PRPF6: variants seen among roughly 807,000 people sequenced by gnomAD.
PRPF6 encodes the protein pre-mRNA processing factor 6.
Under a neutral mutation model 118.3 loss-of-function variants are expected in PRPF6, and 42 were observed. The ratio of observed to expected loss-of-function variants is 0.35; its 90% CI spans 0.28 to 0.46. The LOEUF is 0.46. PRPF6 is among the 20% of genes least tolerant of loss of function. The pLI is 1.00. For missense variants in PRPF6, 662 were observed against 1,255.7 expected (o/e 0.53, Z 7.15); for synonymous variants, 481 against 485.1 (o/e 0.99, Z 0.11).
chr20:63,984,407 C>T (rs374309629), intron 2 of PRPF6, among the ~76,000 whole-genome samples: 4 of 149,036 alleles, frequency 2.7e-5, no homozygotes, highest in African/African-American at 7.5e-5. Context: ...GGCGAGAGTG[C>T]GAGACTCTGT....
At chr20:64,031,850 C>G in intron 19 of PRPF6, 68 bp from the exon 20 acceptor site, 2 of 1,609,960 alleles carry the variant, frequency 1.2e-6, no homozygotes, top group Non-Finnish European at 1.7e-6. Flanking sequence ...GCCCTGAAGC[C>G]GTTCCCCTGC....
intron 11 of PRPF6, among the ~76,000 whole-genome samples, chr20:64,014,687 A>G (rs1368402494): frequency 2.0e-5 from 3 of 152,192 alleles, no homozygotes; most frequent in Non-Finnish European, 4.4e-5. Context: ...AATAAAATGA[A>G]ATAAAATGCG....
intron 3 of PRPF6, among the ~76,000 whole-genome samples, chr20:63,986,430 T>G (rs940749561): frequency 6.6e-6 from 1 of 150,902 alleles, no homozygotes; most frequent in Non-Finnish European, 1.5e-5. Context: ...GTTCAACATA[T>G]GCAAATTAAT....
At chr20:63,996,342 AAAAAAC>A (rs374480354) in intron 6 of PRPF6, among the ~76,000 whole-genome samples, 40 of 152,148 alleles carry the variant, frequency 2.6e-4, no homozygotes, top group African/African-American at 7.0e-4. Flanking sequence ...GTCTCAAAAT[AAAAAAC>A]AAAAACAAAA....
At chr20:63,993,696 G>T (rs1601513071) in intron 4 of PRPF6, among the ~76,000 whole-genome samples, 1 of 151,536 alleles carries the variant, frequency 6.6e-6, no homozygotes, top group East Asian at 1.9e-4. Flanking sequence ...TAGGACAAAT[G>T]AACTTATTTT....
intron 19 of PRPF6, among the ~76,000 whole-genome samples, chr20:64,030,956 G>A (rs987567416): frequency 2.4e-4 from 37 of 152,350 alleles, no homozygotes; most frequent in African/African-American, 7.9e-4. Context: ...TGGCAGCAAC[G>A]CAGAGTCCCG....
intron 11 of PRPF6, among the ~76,000 whole-genome samples, chr20:64,014,534 A>G (rs1381343068): frequency 2.0e-5 from 3 of 152,026 alleles, no homozygotes; most frequent in African/African-American, 7.2e-5. Flanking sequence ...GTGGGCACCT[A>G]TAATTCCAGC....
intron 6 of PRPF6, among the ~76,000 whole-genome samples, chr20:63,996,531 G>A (rs1360730723): frequency 6.6e-6 from 1 of 152,128 alleles, no homozygotes; most frequent in African/African-American, 2.4e-5. Context: ...CCCAACCTGG[G>A]CTGGAGCTCC....
In PRPF6 at chr20:63,993,415, G is replaced by A. The variant is rs538944016; in HGVS notation, c.368G>A (p.Arg123Lys). The A allele has an allele frequency of 1.2e-6, 2 of 1,611,942 alleles. No homozygotes were observed. Among genetic ancestry groups the A allele is most frequent in the South Asian group, 1.1e-5 (1 of 91,038 alleles). Residue 123 changes from arginine (R) to lysine (K), a missense_variant, in exon 4 of 21, where the codon AGG (arginine) becomes AAG (lysine). By Grantham distance (26) the Arg-to-Lys change is conservative. Transcript: ENST00000266079. ...DERRKERREQREKEEIEKYRM... is the reference protein window; with the variant it reads ...DERRKERREQKEKEEIEKYRM... ...CATGTTTTATTTCCTAGGGAGCAAA[G>A]GGAGAAAGAAGAAATAGAGAAATAT...
At chr20:63,982,910 A>C in intron 1 of PRPF6, 137 bp from the exon 2 acceptor site, 1 of 1,002,650 alleles carries the variant, frequency 1.0e-6, no homozygotes, top group Non-Finnish European at 1.5e-6. Flanking sequence ...TTGAGACTGC[A>C]GTTCATTGTC....
chr20:64,017,755 A>G (rs1013597413), intron 12 of PRPF6, among the ~76,000 whole-genome samples: 1 of 152,244 alleles, frequency 6.6e-6, no homozygotes, highest in Non-Finnish European at 1.5e-5. Flanking sequence ...CTGTTTGACA[A>G]TGAATGAGTT....
intron 4 of PRPF6, among the ~76,000 whole-genome samples, chr20:63,993,963 T>G (rs1167016650): frequency 6.6e-6 from 1 of 151,986 alleles, no homozygotes; most frequent in Non-Finnish European, 1.5e-5. Context: ...TGTACCAGGC[T>G]GGTCTCAAAC....
At chr20:64,018,575 A>G (rs910622683) in intron 12 of PRPF6, among the ~76,000 whole-genome samples, 51 of 151,912 alleles carry the variant, frequency 3.4e-4, no homozygotes, top group Non-Finnish European at 2.8e-4. Context: ...CTTGGCCTGA[A>G]TCAGTTATTT....
chr20:64,016,937 C>A (rs2123066783), intron 12 of PRPF6, 92 bp downstream of exon 12: 1 of 1,489,314 alleles, frequency 6.7e-7, no homozygotes, highest in Non-Finnish European at 9.2e-7. Context: ...TATTTTAAAA[C>A]TCTTTTTTTT....
chr20:63,992,850 C>A (rs1175262968), intron 3 of PRPF6, among the ~76,000 whole-genome samples: 1 of 151,986 alleles, frequency 6.6e-6, no homozygotes, highest in Admixed American at 6.6e-5. Flanking sequence ...TCTGCCTCAG[C>A]CTCCCAAGTA....
intron 3 of PRPF6, among the ~76,000 whole-genome samples, chr20:63,991,458 G>A (rs911714461): frequency 6.6e-6 from 1 of 152,004 alleles, no homozygotes; most frequent in African/African-American, 2.4e-5. Context: ...CAGGTGACAC[G>A]GACCCATGAA....
chr20:63,990,597 G>T (rs1427558565), intron 3 of PRPF6, among the ~76,000 whole-genome samples: 3 of 151,438 alleles, frequency 2.0e-5, no homozygotes, highest in African/African-American at 7.3e-5. Flanking sequence ...AGCCTCCCAG[G>T]TAGCTGGGAT....
chr20:64,007,396 C>T (rs1490817127), intron 9 of PRPF6, among the ~76,000 whole-genome samples: 3 of 143,512 alleles, frequency 2.1e-5, no homozygotes, highest in Non-Finnish European at 3.1e-5. Context: ...CTCTGCCTCC[C>T]GTCCCCTCTT....
intron 3 of PRPF6, among the ~76,000 whole-genome samples, chr20:63,990,054 A>G (rs1476857578): frequency 6.6e-6 from 1 of 151,902 alleles, no homozygotes; most frequent in Non-Finnish European, 1.5e-5. Flanking sequence ...GGGTTTTACC[A>G]TGTTGGCCAG....
Sources: gnomAD v4.1 joint callset for allele counts (sites outside exome capture counted in the v4.1 genomes callset) on GRCh38, gnomAD v4.1.1 for gene constraint, MANE v1.5 for transcripts, NCBI Gene and HGNC (gene_info 2026-07-23, HGNC 2026-07-21) for gene names.